The following SETBP1 variants were observed in gnomAD, a reference collection of about 807,000 sequenced individuals.
The protein encoded by SETBP1 is SET-binding protein.
SETBP1 carries 9 observed loss-of-function variants against 101.0 expected under a neutral mutation model. The ratio of observed to expected loss-of-function variants is 0.09; its 90% CI spans 0.05 to 0.16. SETBP1 has a LOEUF of 0.16. Among genes scored for constraint, SETBP1 ranks in the 10% least tolerant of loss-of-function variants. SETBP1 has a pLI of 1.00. For missense variants in SETBP1, 1,858 were observed against 2,033.8 expected (o/e 0.91, Z 1.66); for synonymous variants, 818 against 788.5 (o/e 1.04, Z -0.63).
rs1230372263 is a variant in SETBP1, at chr18:45,065,467, G to A, written c.*1769G>A. 2 of 152,112 alleles carry A rather than the reference G, an allele frequency of 1.3e-5. No individual in the cohort carries two copies. Among genetic ancestry groups the A allele is most frequent in the Non-Finnish European group, 2.9e-5 (2 of 68,016 alleles). The allele number at this position is 152,112 out of a possible 1,614,324, so 9.4% of individuals were successfully genotyped here. A position where few individuals can be genotyped will look rare whatever the true frequency, so the allele number is the denominator to read the frequency against. Reference sequence around the variant, plus strand: ...CAGCTGGAAATTGTATTATCATTTCGGAACACAATATTACTTCCTTAGAGA... The same window carrying A: ...CAGCTGGAAATTGTATTATCATTTCAGAACACAATATTACTTCCTTAGAGA... On this transcript the variant is annotated 3_prime_UTR_variant, in exon 6 of 6. Transcript: ENST00000649279.
intron 3 of SETBP1, among the ~76,000 whole-genome samples, chr18:44,887,053 T>C (rs1293710263): frequency 6.6e-6 from 1 of 152,090 alleles, no homozygotes; most frequent in Non-Finnish European, 1.5e-5. Flanking sequence ...TGGGGTCAGA[T>C]AGAATTGGTT....
intron 2 of SETBP1, among the ~76,000 whole-genome samples, chr18:44,864,822 C>T (rs1217580532): frequency 1.3e-5 from 2 of 152,026 alleles, no homozygotes; most frequent in African/African-American, 4.8e-5. Context: ...CATTTTACTC[C>T]CTCTCTGCCT....
rs551057808 is a variant in SETBP1, at chr18:44,682,857, T to C, written c.-173+1836T>C. On this transcript the variant is annotated intron_variant, in intron 1 of 5. Coordinates refer to ENST00000649279, the MANE Select transcript of SETBP1 (RefSeq NM_015559.3). ...TGGGAAGTTGAGTTGGTGTTAGACC[T>C]GGGCTGTGGGAGTTGCTAGCCACTA... 1.8e-4 allele frequency among the ~76,000 whole-genome samples: 28 copies of C among 152,232 alleles called. No individual in the cohort carries two copies. In the East Asian group the frequency reaches 5.4e-3, roughly 29 times the overall value.
chr18:44,939,969 C>T (rs147350071), intron 3 of SETBP1, among the ~76,000 whole-genome samples: 146 of 152,194 alleles, frequency 9.6e-4, no homozygotes, highest in Non-Finnish European at 1.4e-3. Context: ...GAAATTTGTT[C>T]GGCAATTACT....
chr18:44,727,726 AT>A (rs2069745937), intron 2 of SETBP1, among the ~76,000 whole-genome samples: 1 of 152,214 alleles, frequency 6.6e-6, no homozygotes, highest in Non-Finnish European at 1.5e-5. Context: ...CCTCACAGAC[AT>A]TTAGCCAATC....
At chr18:44,736,395 G>C (rs1375278804) in intron 2 of SETBP1, among the ~76,000 whole-genome samples, 1 of 152,184 alleles carries the variant, frequency 6.6e-6, no homozygotes, top group Non-Finnish European at 1.5e-5. Flanking sequence ...CTTAAGCTCT[G>C]TAGGGTATGC....
At chr18:44,791,228 G>A (rs113636799) in intron 2 of SETBP1, among the ~76,000 whole-genome samples, 1,958 of 152,232 alleles carry the variant, frequency 0.013, 18 homozygotes, top group Non-Finnish European at 0.018. Context: ...AGTGGGTAGA[G>A]GCCAGGGATG....
chr18:45,017,836 C>T (rs1054127242), intron 4 of SETBP1, among the ~76,000 whole-genome samples: 34 of 152,312 alleles, frequency 2.2e-4, no homozygotes, highest in African/African-American at 7.9e-4. Flanking sequence ...TAGCACGTTC[C>T]CTAATGGGGC....
chr18:44,859,902 T>C (rs73952927), intron 2 of SETBP1, among the ~76,000 whole-genome samples: 10 of 152,344 alleles, frequency 6.6e-5, no homozygotes, highest in African/African-American at 2.4e-4. Context: ...TAATCATGAT[T>C]AATTGCTCCA....
At chr18:45,028,133 G>C (rs937823547) in intron 4 of SETBP1, among the ~76,000 whole-genome samples, 6 of 151,394 alleles carry the variant, frequency 4.0e-5, no homozygotes, top group Non-Finnish European at 8.8e-5. Flanking sequence ...TTAGCATTAG[G>C]TATATCTCCT....
chr18:44,733,439 A>T (rs940792867), intron 2 of SETBP1: 1 of 152,152 alleles, frequency 6.6e-6, no homozygotes, highest in African/African-American at 2.4e-5. Context: ...AAAGTCAAGG[A>T]ACTGTATCTC....
chr18:44,983,683 T>C (rs947334795), intron 4 of SETBP1, among the ~76,000 whole-genome samples: 1 of 152,170 alleles, frequency 6.6e-6, no homozygotes, highest in African/African-American at 2.4e-5. Flanking sequence ...TGCTTTCTTC[T>C]AGGCTTGGCA....
chr18:44,811,631 G>C (rs1306698304), intron 2 of SETBP1, among the ~76,000 whole-genome samples: 1 of 152,232 alleles, frequency 6.6e-6, no homozygotes, highest in Non-Finnish European at 1.5e-5. Flanking sequence ...ACTAAGGAAT[G>C]AAGGGGGTAG....
intron 2 of SETBP1, among the ~76,000 whole-genome samples, chr18:44,770,443 C>G (rs1052017945): frequency 5.9e-5 from 9 of 152,120 alleles, no homozygotes; most frequent in Non-Finnish European, 8.8e-5. Flanking sequence ...TTATTTTTAA[C>G]CTATTTTATC....
At chr18:44,710,247 A>T (rs980204974) in intron 2 of SETBP1, among the ~76,000 whole-genome samples, 4 of 152,188 alleles carry the variant, frequency 2.6e-5, no homozygotes, top group Admixed American at 2.0e-4. Flanking sequence ...AAAATGCAGC[A>T]CATCCCAGGA....
intron 5 of SETBP1, among the ~76,000 whole-genome samples, chr18:45,059,966 GATAAA>G (rs1260480324): frequency 3.9e-5 from 6 of 152,168 alleles, no homozygotes. Flanking sequence ...GGACTCTGAA[GATAAA>G]ATAAAAGTTC....
intron 3 of SETBP1, among the ~76,000 whole-genome samples, chr18:44,930,635 G>A (rs924023074): frequency 2.6e-5 from 4 of 151,994 alleles, no homozygotes; most frequent in African/African-American, 9.7e-5. Flanking sequence ...GTCTATTCAG[G>A]GATTCAACTT....
intron 4 of SETBP1, among the ~76,000 whole-genome samples, chr18:45,016,469 G>C (rs532399084): frequency 2.2e-4 from 33 of 152,208 alleles, no homozygotes; most frequent in African/African-American, 7.9e-4. Context: ...TCCCTGTCGC[G>C]GCGGAACCTT....
intron 3 of SETBP1, among the ~76,000 whole-genome samples, chr18:44,890,664 A>G (rs956454845): frequency 1.2e-4 from 18 of 152,180 alleles, no homozygotes; most frequent in Non-Finnish European, 2.2e-4. Context: ...CCTGTGGACT[A>G]TAATTTTTTC....
Sources: allele counts gnomAD v4.1 joint callset (sites outside exome capture counted in the v4.1 genomes callset), GRCh38; gene constraint gnomAD v4.1.1; transcripts MANE v1.5; gene names NCBI Gene and HGNC (gene_info 2026-07-23, HGNC 2026-07-21).